ITGA2: variants seen among roughly 807,000 people sequenced by gnomAD.
ITGA2 encodes the protein integrin alpha-2.
In ITGA2, 101 loss-of-function variants were observed where a neutral mutation model predicts 146.3. That is an observed-to-expected ratio of 0.69 (90% CI 0.59 to 0.81). ITGA2 has a LOEUF of 0.81. Ranked by LOEUF, ITGA2 falls within the 40% of genes least tolerant of loss-of-function variation. ITGA2 has a pLI of 0.00. For synonymous variants in ITGA2, 477 were observed against 487.1 expected (o/e 0.98, Z 0.27); for missense variants, 1,281 against 1,402.7 (o/e 0.91, Z 1.39).
chr5:53,048,665 T>A lies in ITGA2; in HGVS notation c.525T>A (p.Val175=). 1 of 1,614,116 alleles carries A rather than the reference T, an allele frequency of 6.2e-7. No homozygotes were observed. Among genetic ancestry groups the A allele is most frequent in the Non-Finnish European group, 8.5e-7 (1 of 1,179,978 alleles). The change falls in exon 6 of 30, where the codon GTT becomes GTA. Residue 175 remains valine, a synonymous_variant. Transcript: ENST00000296585. The part of the protein sequence containing the change: ...ATQPCPSLID[V]VVVCDESNSI... ...TAGCCTGCCCTTCCCTCATAGATGT[T>A]GTGGTTGTGTGTGATGAATCAAATA...
chr5:53,020,594 A>G (rs1381840779), intron 1 of ITGA2, among the ~76,000 whole-genome samples: 16 of 152,072 alleles, frequency 1.1e-4, no homozygotes, highest in Admixed American at 1.0e-3. Flanking sequence ...GCTCATGCTT[A>G]TAGTCCTTCT....
intron 27 of ITGA2, among the ~76,000 whole-genome samples, chr5:53,084,240 A>T (rs1360095065): frequency 3.3e-5 from 5 of 152,200 alleles, no homozygotes; most frequent in African/African-American, 4.8e-5. Flanking sequence ...ATTGAGGAAG[A>T]AAAACAGAAA....
At chr5:52,993,456 C>A (rs1045061076) in intron 1 of ITGA2, among the ~76,000 whole-genome samples, 1 of 152,186 alleles carries the variant, frequency 6.6e-6, no homozygotes, top group Admixed American at 6.5e-5. Context: ...TGCCTCCCCA[C>A]TTTCCTAAGA....
At chr5:53,090,379 G>C in intron 29 of ITGA2, 140 bp from the exon 30 acceptor site, 1 of 746,028 alleles carries the variant, frequency 1.3e-6, no homozygotes, top group Non-Finnish European at 2.4e-6. Context: ...GTAGATATCA[G>C]GTCATCAGTC....
rs368762372 is a variant in ITGA2, at chr5:53,084,354, AT to A, written c.3258+910del. ...AGGTGCTTACAACCAAACGCTACTCATTTTTTTTTCTGTTTATCATTTCATG... is the reference window on the plus strand; with the variant it reads ...AGGTGCTTACAACCAAACGCTACTCATTTTTTTTCTGTTTATCATTTCATG... On this transcript the variant is annotated intron_variant, in intron 27 of 29. Coordinates refer to ENST00000296585, the MANE Select transcript of ITGA2 (RefSeq NM_002203.4). Among the ~76,000 whole-genome samples, 1,004 of 150,166 alleles carry A rather than the reference AT, an allele frequency of 6.7e-3. 9 individuals carry two copies. Among genetic ancestry groups the A allele is most frequent in the African/African-American group, 0.022 (893 of 40,880 alleles).
chr5:53,030,745 G>T (rs1045599660), intron 2 of ITGA2, among the ~76,000 whole-genome samples: 10 of 152,246 alleles, frequency 6.6e-5, no homozygotes, highest in Admixed American at 3.9e-4. Context: ...AGATTTATAT[G>T]CAGAATAGGC....
chr5:53,077,741 TC>T (rs1561149502), intron 23 of ITGA2, among the ~76,000 whole-genome samples: 1 of 152,088 alleles, frequency 6.6e-6, no homozygotes, highest in Non-Finnish European at 1.5e-5. Context: ...TGACATATTT[TC>T]CTTTTAAGGA....
At chr5:52,990,810 C>T (rs1740914224) in intron 1 of ITGA2, among the ~76,000 whole-genome samples, 1 of 152,036 alleles carries the variant, frequency 6.6e-6, no homozygotes. Flanking sequence ...GATACTTTCT[C>T]CGGGAACCAG....
intron 3 of ITGA2, among the ~76,000 whole-genome samples, chr5:53,042,455 G>C (rs1743850711): frequency 1.3e-5 from 2 of 152,084 alleles, no homozygotes; most frequent in Admixed American, 6.6e-5. Context: ...ATAGACCATG[G>C]ACTGGTTTCC....
chr5:53,071,519 G>A (rs2111994420), intron 17 of ITGA2, among the ~76,000 whole-genome samples: 1 of 151,914 alleles, frequency 6.6e-6, no homozygotes. Flanking sequence ...AGTCCTTCTG[G>A]GAGGACTTCT....
At chr5:53,026,929 T>C in intron 2 of ITGA2, 61 bp downstream of exon 2, 1 of 1,465,384 alleles carries the variant, frequency 6.8e-7, no homozygotes, top group Non-Finnish European at 9.5e-7. Flanking sequence ...CATATTTGAC[T>C]TCAATTGCTT....
chr5:53,066,223 A>C (rs747418101), intron 15 of ITGA2, among the ~76,000 whole-genome samples: 2 of 151,996 alleles, frequency 1.3e-5, no homozygotes, highest in Non-Finnish European at 2.9e-5. Flanking sequence ...AGAAAACATA[A>C]AGTTCTGGAA....
rs1160571954 is a variant in ITGA2, at chr5:53,048,497, A to T, written c.502+20A>T. 6.2e-6 allele frequency: 10 copies of T among 1,612,148 alleles called. No individual in the cohort carries two copies. The highest frequency in any genetic ancestry group is 7.6e-6 in the Non-Finnish European group (9 of 1,178,236). ...CTCAGCGTAAGTTATTAATGTGCAG[A>T]TGGTCTGAGCAATGCCTTACAGTTA... On this transcript the variant is annotated intron_variant, in intron 5 of 29. Transcript: ENST00000296585.
chr5:53,025,064 G>A (rs568768087), intron 1 of ITGA2, among the ~76,000 whole-genome samples: 4 of 152,260 alleles, frequency 2.6e-5, no homozygotes, highest in South Asian at 2.1e-4. Flanking sequence ...AAATGAGGTT[G>A]TTTTATGTAC....
Position 53,064,261 on chromosome 5 carries a change from T to A in ITGA2, c.1603-651T>A, listed in dbSNP as rs540582943. Among the ~76,000 whole-genome samples, 62 of 152,026 alleles carry A rather than the reference T, an allele frequency of 4.1e-4. 1 individual carries two copies. In the South Asian group the frequency reaches 0.01, roughly 25 times the overall value. Reference sequence around the variant, plus strand: ...TTAATTTCATTCAAGATATTAGTAATTTTCACCAGAAAAATTTTAAATCAA... The same window carrying A: ...TTAATTTCATTCAAGATATTAGTAAATTTCACCAGAAAAATTTTAAATCAA... On this transcript the variant is annotated intron_variant, in intron 13 of 29. Coordinates refer to ENST00000296585, the MANE Select transcript of ITGA2 (RefSeq NM_002203.4).
At position 53,092,313 on chromosome 5, in the gene ITGA2, C is replaced by T. The variant is rs1227780485; in HGVS notation, c.*1714C>T. 2 of 152,092 alleles carry T rather than the reference C, an allele frequency of 1.3e-5. No individual in the cohort carries two copies. Among genetic ancestry groups the T allele is most frequent in the African/African-American group, 4.8e-5 (2 of 41,408 alleles). 9.4% of individuals were successfully genotyped at this position (152,092 alleles called of 1,614,324 possible). On this transcript the variant is annotated 3_prime_UTR_variant, in exon 30 of 30. Coordinates refer to ENST00000296585, the MANE Select transcript of ITGA2 (RefSeq NM_002203.4). The stretch of plus-strand genomic sequence containing the variant: ...TAGTTTTAAAAGTCTATGATCTGGA[C>T]TTCCTATAATACAAATACACAATCC...
At chr5:53,081,562 G>T (rs781668484) in intron 25 of ITGA2, 30 bp from the exon 26 acceptor site, 1 of 1,520,900 alleles carries the variant, frequency 6.6e-7, no homozygotes, top group Non-Finnish European at 9.1e-7. Flanking sequence ...TTTTGCTTCT[G>T]AAGTCTGATC....
At chr5:52,990,567 GGTT>G (rs1579762492) in intron 1 of ITGA2, among the ~76,000 whole-genome samples, 1 of 57,648 alleles carries the variant, frequency 1.7e-5, no homozygotes, top group East Asian at 4.8e-4. Context: ...GTGTGTGTGT[GGTT>G]TTTTTTTTTT....
intron 9 of ITGA2, among the ~76,000 whole-genome samples, chr5:53,057,299 A>G (rs965519021): frequency 1.3e-5 from 2 of 152,030 alleles, no homozygotes; most frequent in African/African-American, 4.8e-5. Flanking sequence ...AAATAAGACT[A>G]TGTTGTACAG....
Sources: allele counts gnomAD v4.1 joint callset (sites outside exome capture counted in the v4.1 genomes callset), GRCh38; gene constraint gnomAD v4.1.1; transcripts MANE v1.5; gene names NCBI Gene and HGNC (gene_info 2026-07-23, HGNC 2026-07-21).